Variants in ZNF695 observed in about 807,000 individuals in gnomAD.
ZNF695 encodes the protein zinc finger protein 695.
Under a neutral mutation model 11.2 loss-of-function variants are expected in ZNF695, and 11 were observed. That is an observed-to-expected ratio of 0.98 (90% CI 0.62 to 1.62). The LOEUF (loss-of-function observed/expected upper bound fraction) is 1.62. Ranked by LOEUF, ZNF695 falls within the 40% of genes most tolerant of loss-of-function variation. The pLI is 0.00. For missense variants in ZNF695, 559 were observed against 590.5 expected (o/e 0.95, Z 0.55); for synonymous variants, 190 against 201.4 (o/e 0.94, Z 0.48).
At chr1:246,995,870 G>C (rs541075788) in intron 3 of ZNF695, among the ~76,000 whole-genome samples, 6 of 150,548 alleles carry the variant, frequency 4.0e-5, no homozygotes, top group Non-Finnish European at 7.4e-5. Flanking sequence ...TTTGGTATTG[G>C]CATAAAGGCA....
chr1:246,963,150 C>T (rs557782118), intron 5 of ZNF695, among the ~76,000 whole-genome samples: 1 of 152,316 alleles, frequency 6.6e-6, no homozygotes, highest in Non-Finnish European at 1.5e-5. Context: ...CTTTTCCATG[C>T]TATTCCCTCA....
intron 3 of ZNF695, among the ~76,000 whole-genome samples, chr1:246,988,624 G>T (rs1668928295): frequency 6.6e-6 from 1 of 152,104 alleles, no homozygotes; most frequent in African/African-American, 2.4e-5. Context: ...AACATAAAGA[G>T]AAATAAGGAT....
At chr1:246,970,476 G>A (rs746532645) in intron 4 of ZNF695, among the ~76,000 whole-genome samples, 1 of 152,186 alleles carries the variant, frequency 6.6e-6, no homozygotes, top group Non-Finnish European at 1.5e-5. Flanking sequence ...AATTTGTGAG[G>A]CAGAGTATTG....
chr1:246,990,391 T>C (rs914812846), intron 3 of ZNF695, among the ~76,000 whole-genome samples: 3 of 152,102 alleles, frequency 2.0e-5, no homozygotes, highest in Admixed American at 2.0e-4. Flanking sequence ...TAAATAATGA[T>C]AGAAGAGTAA....
intron 3 of ZNF695, among the ~76,000 whole-genome samples, chr1:246,989,156 T>G (rs905638310): frequency 2.7e-5 from 4 of 150,832 alleles, no homozygotes; most frequent in Non-Finnish European, 4.4e-5. Context: ...TCCTAGCTAC[T>G]CGGGAGGCTG....
intron 3 of ZNF695, among the ~76,000 whole-genome samples, chr1:246,992,058 G>A (rs543045817): frequency 2.6e-5 from 4 of 152,228 alleles, no homozygotes; most frequent in African/African-American, 9.6e-5. Context: ...CAGCTACTCG[G>A]GAGGCTGAGA....
intron 5 of ZNF695, among the ~76,000 whole-genome samples, chr1:246,955,948 C>G (rs1031200692): frequency 1.3e-5 from 2 of 151,758 alleles, no homozygotes; most frequent in African/African-American, 4.8e-5. Context: ...GGACATTAAC[C>G]AAAGATACCC....
intron 5 of ZNF695, among the ~76,000 whole-genome samples, chr1:246,965,356 C>CA (rs576946423): frequency 0.11 from 7,663 of 67,242 alleles, 753 homozygotes; most frequent in African/African-American, 0.32. Context: ...GACTCTGTCT[C>CA]AAAAAAAAAA....
chr1:246,948,905 C>T (rs1691245), intron 5 of ZNF695, among the ~76,000 whole-genome samples: 79,682 of 152,046 alleles, frequency 0.52, 21,036 homozygotes, highest in Admixed American at 0.59. Context: ...TAGCGCCCAC[C>T]TCACAGAGCT....
chr1:246,974,733 T>A (rs1668515080), intron 4 of ZNF695, among the ~76,000 whole-genome samples: 1 of 152,216 alleles, frequency 6.6e-6, no homozygotes, highest in Admixed American at 6.5e-5. Flanking sequence ...ACATGAGGAC[T>A]CTGAGGTAGA....
At chr1:246,959,267 A>G (rs1408354297) in intron 5 of ZNF695, among the ~76,000 whole-genome samples, 3 of 113,518 alleles carry the variant, frequency 2.6e-5, no homozygotes, top group Admixed American at 1.0e-4. Flanking sequence ...TGGATGACAG[A>G]GTGAGACCCT....
rs1187712790 is a variant in ZNF695 at position 247,008,020 on chromosome 1, C to G, written c.-112G>C. The stretch of plus-strand genomic sequence containing the variant: ...CCGGGACTCTCCGAGAGGCAGCAGA[C>G]GGGAACCCAGCACCCCGCCGGCCGC... On this transcript the variant is annotated 5_prime_UTR_variant, in exon 1 of 4. Coordinates refer to ENST00000339986, the MANE Select transcript of ZNF695 (RefSeq NM_020394.5). 1.6e-6 allele frequency: 2 copies of G among 1,255,922 alleles called. No homozygotes were observed. Among genetic ancestry groups the G allele is most frequent in the African/African-American group, 1.5e-5 (1 of 64,758 alleles). 77.8% of individuals were successfully genotyped at this position (1,255,922 alleles called of 1,614,324 possible). A position where few individuals can be genotyped will look rare whatever the true frequency, so the allele number is the denominator to read the frequency against.
intron 3 of ZNF695, among the ~76,000 whole-genome samples, chr1:246,995,699 C>T (rs1047762977): frequency 6.6e-6 from 1 of 150,862 alleles, no homozygotes; most frequent in African/African-American, 2.4e-5. Flanking sequence ...CCTGTAATCT[C>T]AGCTACTCAG....
downstream of ZNF695, among the ~76,000 whole-genome samples, chr1:246,983,780 T>C (rs1032191174): frequency 2.6e-5 from 4 of 152,154 alleles, no homozygotes; most frequent in African/African-American, 4.8e-5. Context: ...ATTGCACCAC[T>C]GCACTCCAGC....
chr1:246,959,529 C>T (rs1397212630), intron 5 of ZNF695, among the ~76,000 whole-genome samples: 1 of 150,848 alleles, frequency 6.6e-6, no homozygotes, highest in Non-Finnish European at 1.5e-5. Flanking sequence ...TGGGTTCAAG[C>T]AATTCTCCTG....
At chr1:247,002,388 G>A (rs1669412260) in intron 1 of ZNF695, among the ~76,000 whole-genome samples, 2 of 152,178 alleles carry the variant, frequency 1.3e-5, no homozygotes, top group African/African-American at 4.8e-5. Flanking sequence ...AGTGCTAAAT[G>A]CCCAGTTCAA....
At chr1:246,945,851 G>T in intron 5 of ZNF695, 1 of 1,549,854 alleles carries the variant, frequency 6.5e-7, no homozygotes, top group Non-Finnish European at 8.7e-7. Context: ...AGAAAGAAAA[G>T]CAGCTTAAGG....
intron 5 of ZNF695, among the ~76,000 whole-genome samples, chr1:246,946,093 T>C (rs944077381): frequency 6.6e-6 from 1 of 152,140 alleles, no homozygotes; most frequent in South Asian, 2.1e-4. Context: ...TTTTAGCTCA[T>C]TGTCTTTCCC....
chr1:246,987,638 C>G lies in ZNF695; in HGVS notation c.877G>C (p.Glu293Gln), dbSNP rs1375105502. 7 of 1,603,436 alleles carry G rather than the reference C, an allele frequency of 4.4e-6. No individual in the cohort carries two copies. The Admixed American group carries it at 1.2e-4, about 28-fold the overall frequency. The change falls in exon 4 of 4, where the codon GAG becomes CAG. Residue 293 changes from glutamate to glutamine, a missense_variant. Coordinates refer to ENST00000339986, the MANE Select transcript of ZNF695 (RefSeq NM_020394.5). ...LTKHKKIHTGEKPYKCEECGK... is the reference protein window; with the variant it reads ...LTKHKKIHTGQKPYKCEECGK... ...CATTCTTCACATTTGTATGGTTTCT[C>G]TCCAGTATGAATTTTCTTATGTTTA...
Sources: allele counts gnomAD v4.1 joint callset (sites outside exome capture counted in the v4.1 genomes callset), GRCh38; gene constraint gnomAD v4.1.1; transcripts MANE v1.5; gene names NCBI Gene and HGNC (gene_info 2026-07-23, HGNC 2026-07-21).